The following DGKB variants were observed in gnomAD, a reference collection of about 807,000 sequenced individuals.
The protein encoded by DGKB is diacylglycerol kinase beta.
In DGKB, 67 loss-of-function variants were observed where a neutral mutation model predicts 114.3. The observed-to-expected ratio is 0.59, with a 90% confidence interval of 0.48 to 0.72. The LOEUF (loss-of-function observed/expected upper bound fraction) is 0.72. DGKB is among the 30% of genes least tolerant of loss of function. The pLI, the probability that DGKB is intolerant of heterozygous loss-of-function variation, is 0.00. For missense variants in DGKB, 907 were observed against 975.2 expected, an observed-to-expected ratio of 0.93 and a Z score of 0.93; for synonymous variants, 398 against 323.1, an observed-to-expected ratio of 1.23 and a Z score of -2.49.
chr7:14,827,648 C>A (rs1409234255), intron 2 of DGKB, among the ~76,000 whole-genome samples: 3 of 152,046 alleles, frequency 2.0e-5, no homozygotes, highest in Non-Finnish European at 4.4e-5. Context: ...AATAACTTAT[C>A]CCTTATTTAT....
At chr7:14,282,450 C>G (rs1241127919) in intron 23 of DGKB, among the ~76,000 whole-genome samples, 3 of 149,684 alleles carry the variant, frequency 2.0e-5, no homozygotes, top group South Asian at 2.1e-4. Flanking sequence ...GGAACTGGTA[C>G]CATTCCTTCT....
intron 23 of DGKB, among the ~76,000 whole-genome samples, chr7:14,278,734 C>G (rs972305347): frequency 3.3e-5 from 5 of 151,970 alleles, no homozygotes; most frequent in Non-Finnish European, 7.4e-5. Context: ...AATTATACAT[C>G]TGATAGGGAG....
At chr7:14,206,290 C>G (rs964420019) in intron 23 of DGKB, among the ~76,000 whole-genome samples, 13 of 151,902 alleles carry the variant, frequency 8.6e-5, no homozygotes, top group African/African-American at 2.7e-4. Flanking sequence ...ATTAACCAAC[C>G]TTAAGGGAAG....
At chr7:14,950,302 GAAGT>G (rs1219181125) in intron 1 of DGKB, among the ~76,000 whole-genome samples, 11 of 151,698 alleles carry the variant, frequency 7.3e-5, no homozygotes, top group African/African-American at 2.7e-4. Flanking sequence ...ACGTTAAAAA[GAAGT>G]AATAGCTCAA....
chr7:14,471,718 G>A (rs1781433861), intron 21 of DGKB, among the ~76,000 whole-genome samples: 1 of 151,930 alleles, frequency 6.6e-6, no homozygotes, highest in Non-Finnish European at 1.5e-5. Context: ...ACATATCACA[G>A]TTCAATCTTT....
chr7:14,568,795 T>C (rs192207989), intron 20 of DGKB, among the ~76,000 whole-genome samples: 14 of 152,334 alleles, frequency 9.2e-5, no homozygotes, highest in Middle Eastern at 3.4e-3. Context: ...CAAGGTTCTT[T>C]GTATATTGTA....
intron 2 of DGKB, among the ~76,000 whole-genome samples, chr7:14,769,123 A>AAGAGAGAG (rs756712026): frequency 5.6e-5 from 5 of 89,146 alleles, no homozygotes; most frequent in Non-Finnish European, 6.2e-5. Flanking sequence ...GAAAGAAAGA[A>AAGAGAGAG]AGAGAGAGAG....
intron 19 of DGKB, among the ~76,000 whole-genome samples, chr7:14,577,721 G>A (rs1289626554): frequency 2.0e-5 from 3 of 152,088 alleles, no homozygotes; most frequent in African/African-American, 7.2e-5. Flanking sequence ...ACTAATGATT[G>A]CCAGAAATTT....
intron 23 of DGKB, among the ~76,000 whole-genome samples, chr7:14,299,791 C>A (rs778657008): frequency 1.4e-4 from 21 of 152,146 alleles, no homozygotes; most frequent in African/African-American, 4.8e-4. Flanking sequence ...TTACACATCC[C>A]TGTAAGGCGT....
chr7:14,385,526 C>T (rs1484760069), intron 21 of DGKB, among the ~76,000 whole-genome samples: 1 of 152,078 alleles, frequency 6.6e-6, no homozygotes, highest in Non-Finnish European at 1.5e-5. Flanking sequence ...TAAAAGAATT[C>T]CTAAGTAAAT....
chr7:14,281,092 C>A (rs983395667), intron 23 of DGKB, among the ~76,000 whole-genome samples: 6 of 147,722 alleles, frequency 4.1e-5, no homozygotes, highest in African/African-American at 1.2e-4. Flanking sequence ...CAAGACCCAT[C>A]AGTGTGCTGT....
intron 1 of DGKB, among the ~76,000 whole-genome samples, chr7:14,849,621 G>A (rs181083248): frequency 1.2e-3 from 187 of 152,146 alleles, no homozygotes; most frequent in African/African-American, 4.3e-3. Flanking sequence ...AGCACAAAAC[G>A]GACTGAGACA....
At chr7:14,961,922 C>G (rs534004872) in intron 1 of DGKB, among the ~76,000 whole-genome samples, 19 of 152,182 alleles carry the variant, frequency 1.2e-4, no homozygotes, top group African/African-American at 4.6e-4. Flanking sequence ...AAATGATCTA[C>G]TAGTAACACA....
At chr7:14,314,786 A>G (rs920491702) in intron 23 of DGKB, among the ~76,000 whole-genome samples, 3 of 151,536 alleles carry the variant, frequency 2.0e-5, no homozygotes, top group Non-Finnish European at 4.4e-5. Flanking sequence ...AGAGAACGCC[A>G]CAAAGATACT....
At chr7:14,449,168 T>C (rs1162108765) in intron 21 of DGKB, among the ~76,000 whole-genome samples, 2 of 152,118 alleles carry the variant, frequency 1.3e-5, no homozygotes, top group African/African-American at 2.4e-5. Flanking sequence ...ATCTGTTCTT[T>C]TTACATACAA....
At chr7:14,346,627 T>C (rs544371692) in intron 21 of DGKB, among the ~76,000 whole-genome samples, 3 of 152,092 alleles carry the variant, frequency 2.0e-5, no homozygotes, top group East Asian at 1.9e-4. Flanking sequence ...TGAGCAGATA[T>C]AAACAGATGA....
At chr7:14,296,441 T>G (rs957772985) in intron 23 of DGKB, among the ~76,000 whole-genome samples, 1 of 152,204 alleles carries the variant, frequency 6.6e-6, no homozygotes, top group Non-Finnish European at 1.5e-5. Flanking sequence ...TCTTTGCTAT[T>G]GTGAATAGTG....
At chr7:14,482,115 T>C (rs1394814035) in intron 20 of DGKB, among the ~76,000 whole-genome samples, 1 of 152,030 alleles carries the variant, frequency 6.6e-6, no homozygotes, top group East Asian at 1.9e-4. Flanking sequence ...ATTTTCATTA[T>C]TGTCATTTTC....
chr7:14,869,886 CA>C (rs1852206636), intron 1 of DGKB, among the ~76,000 whole-genome samples: 1 of 152,132 alleles, frequency 6.6e-6, no homozygotes, highest in Admixed American at 6.6e-5. Context: ...CATGCTATAC[CA>C]GATCTAGTTT....
Sources: allele counts gnomAD v4.1 joint callset (sites outside exome capture counted in the v4.1 genomes callset), GRCh38; gene constraint gnomAD v4.1.1; transcripts MANE v1.5; gene names NCBI Gene and HGNC (gene_info 2026-07-23, HGNC 2026-07-21).